The following HCN4 variants were observed in gnomAD, a reference collection of about 807,000 sequenced individuals.
HCN4 encodes potassium/sodium hyperpolarization-activated cyclic nucleotide-gated channel 4.
Under a neutral mutation model 76.9 loss-of-function variants are expected in HCN4, and 29 were observed. That is an observed-to-expected ratio of 0.38 (90% CI 0.28 to 0.51). HCN4 has a LOEUF of 0.51. Ranked by LOEUF, HCN4 falls within the 20% of genes least tolerant of loss-of-function variation. The pLI is 0.90. For synonymous variants in HCN4, 772 were observed against 762.5 expected (o/e 1.01, Z -0.21); for missense variants, 1,416 against 1,715.2 (o/e 0.83, Z 3.08).
At chr15:73,327,279 T>G (rs1260444567) in intron 4 of HCN4, among the ~76,000 whole-genome samples, 1 of 151,980 alleles carries the variant, frequency 6.6e-6, no homozygotes, top group Non-Finnish European at 1.5e-5. Context: ...AGCTAATTTT[T>G]TTTTTACTTT....
chr15:73,334,086 T>C (rs1472916194), intron 2 of HCN4, among the ~76,000 whole-genome samples: 3 of 152,200 alleles, frequency 2.0e-5, no homozygotes, highest in Non-Finnish European at 2.9e-5. Context: ...CAGGTGGGAA[T>C]TGCCAGCTTC....
intron 2 of HCN4, among the ~76,000 whole-genome samples, chr15:73,340,659 A>C (rs1310208439): frequency 6.6e-6 from 1 of 151,922 alleles, no homozygotes; most frequent in African/African-American, 2.4e-5. Context: ...GGCACCTCCA[A>C]CTCAACCTGT....
At chr15:73,358,120 G>T (rs551613439) in intron 1 of HCN4, among the ~76,000 whole-genome samples, 33 of 152,282 alleles carry the variant, frequency 2.2e-4, no homozygotes, top group African/African-American at 7.2e-4. Flanking sequence ...AGGAGGGGAA[G>T]CTGAGGGTGG....
At chr15:73,337,379 C>T (rs1016756653) in intron 2 of HCN4, among the ~76,000 whole-genome samples, 10 of 152,124 alleles carry the variant, frequency 6.6e-5, no homozygotes, top group African/African-American at 2.4e-4. Flanking sequence ...AATGCGCGTA[C>T]ATCTAAATGA....
intron 1 of HCN4, among the ~76,000 whole-genome samples, chr15:73,350,759 T>A (rs906406400): frequency 5.3e-5 from 8 of 152,152 alleles, no homozygotes; most frequent in Admixed American, 5.2e-4. Flanking sequence ...GGGACCTTAA[T>A]CTACAGAAGA....
Position 73,323,018 on chromosome 15 carries a change from G to A in HCN4, c.3075C>T (p.Leu1025=), listed in dbSNP as rs942973135. 30 of 1,478,682 alleles carry A rather than the reference G, an allele frequency of 2.0e-5. No individual in the cohort carries two copies. Among genetic ancestry groups the A allele is most frequent in the Non-Finnish European group, 2.7e-5 (30 of 1,117,172 alleles). 91.6% of individuals were successfully genotyped at this position (1,478,682 alleles called of 1,614,324 possible). Residue 1025 remains leucine (L), a synonymous_variant, in exon 8 of 8, where the codon CTC becomes CTT. Transcript: ENST00000261917. ...GGCCTGGGCTGTGGCCAGGGGGGCTGAGACCTCCTCGGGGAGTAAAGCCTA... is the reference window on the plus strand; with the variant it reads ...GGCCTGGGCTGTGGCCAGGGGGGCTAAGACCTCCTCGGGGAGTAAAGCCTA... The part of the protein sequence containing the change: ...SPVGFTPRGG[L]SPPGHSPGPP...
At chr15:73,329,343 C>A (rs1009636202) in intron 4 of HCN4, among the ~76,000 whole-genome samples, 1 of 152,104 alleles carries the variant, frequency 6.6e-6, no homozygotes, top group Non-Finnish European at 1.5e-5. Context: ...ACACTGGAGA[C>A]GGGGAAGGTG....
At chr15:73,329,846 T>C in intron 3 of HCN4, 55 bp from the exon 4 acceptor site, 3 of 1,467,314 alleles carry the variant, frequency 2.0e-6, no homozygotes, top group Non-Finnish European at 2.8e-6. Flanking sequence ...CCCTTCTCAC[T>C]AGCAAGAAAA....
chr15:73,338,617 G>C (rs1381635283), intron 2 of HCN4, among the ~76,000 whole-genome samples: 1 of 152,172 alleles, frequency 6.6e-6, no homozygotes. Flanking sequence ...TCCCAACAAA[G>C]AGTTGATTTC....
Position 73,368,192 on chromosome 15 carries a change from C to G in HCN4, c.79G>C (p.Asp27His). Residue 27 changes from aspartate to histidine, a missense_variant, in exon 1 of 8, where the codon GAC becomes CAC. Coordinates refer to ENST00000261917, the MANE Select transcript of HCN4 (RefSeq NM_005477.3). The surrounding 1 kb of genome is among the most constrained non-coding windows in gnomAD (Gnocchi z 6.9). ...QQVGAKAWIMDEEEDAEEEGA... is the reference protein window; with the variant it reads ...QQVGAKAWIMHEEEDAEEEGA... The stretch of plus-strand genomic sequence containing the variant: ...TCCTCCTCGGCGTCCTCTTCCTCGT[C>G]CATGATCCACGCCTTGGCCCCCACC... 1 of 1,534,168 alleles carries G rather than the reference C, an allele frequency of 6.5e-7. No homozygotes were observed. Among genetic ancestry groups the G allele is most frequent in the Non-Finnish European group, 8.8e-7 (1 of 1,141,906 alleles).
rs766293595 is a variant in HCN4 at position 73,323,585 on chromosome 15, C to T, written c.2508G>A (p.Ala836=). The part of the protein sequence containing the change: ...LKRLQSLIPS[A]LGSASPASSP... ...TGCTGGCGGGCGAGGCGGAGCCCAGCGCAGAAGGGATCAGGGACTGCAGCC... is the reference window on the plus strand; with the variant it reads ...TGCTGGCGGGCGAGGCGGAGCCCAGTGCAGAAGGGATCAGGGACTGCAGCC... Residue 836 remains alanine, a synonymous_variant, in exon 8 of 8, where the codon GCG becomes GCA. Transcript: ENST00000261917. The T allele has an allele frequency of 1.4e-5, 22 of 1,600,996 alleles. No homozygotes were observed. Among genetic ancestry groups the T allele is most frequent in the Admixed American group, 5.0e-5 (3 of 59,974 alleles).
chr15:73,352,111 T>G (rs1567791903), intron 1 of HCN4, among the ~76,000 whole-genome samples: 1 of 152,204 alleles, frequency 6.6e-6, no homozygotes, highest in African/African-American at 2.4e-5. Context: ...TGTGTGACAG[T>G]CTAACTTGCC....
intron 4 of HCN4, among the ~76,000 whole-genome samples, chr15:73,327,957 G>A (rs889572722): frequency 6.6e-6 from 1 of 152,208 alleles, no homozygotes; most frequent in Non-Finnish European, 1.5e-5. Context: ...AGGCAGGCAG[G>A]CAGTGAATCC....
chr15:73,349,443 TG>T (rs1244294721), intron 1 of HCN4, among the ~76,000 whole-genome samples: 1 of 152,108 alleles, frequency 6.6e-6, no homozygotes, highest in Non-Finnish European at 1.5e-5. Flanking sequence ...TTGCCATATA[TG>T]GTGGGCCAAG....
chr15:73,361,874 C>G (rs935374495), intron 1 of HCN4, among the ~76,000 whole-genome samples: 3 of 152,258 alleles, frequency 2.0e-5, no homozygotes, highest in Admixed American at 1.3e-4. Context: ...CAGCTGGCCC[C>G]TGTCAGAGCC....
Position 73,346,643 on chromosome 15 carries a change from G to A in HCN4, c.786-2835C>T, listed in dbSNP as rs553869899. On this transcript the variant is annotated intron_variant, in intron 1 of 7. Coordinates refer to ENST00000261917, the MANE Select transcript of HCN4 (RefSeq NM_005477.3). Reference sequence around the variant, plus strand: ...CAGAGACTCATGGTCTGGTCAGAGCGCAAGGCTTGGATAGAAGGCAATTGG... The same window carrying A: ...CAGAGACTCATGGTCTGGTCAGAGCACAAGGCTTGGATAGAAGGCAATTGG... Among the ~76,000 whole-genome samples the A allele has an allele frequency of 1.1e-4, 16 of 152,236 alleles. 1 individual carries two copies. In the South Asian group the frequency reaches 2.3e-3, roughly 22 times the overall value.
intron 1 of HCN4, among the ~76,000 whole-genome samples, chr15:73,365,354 C>T (rs1476836202): frequency 6.6e-6 from 1 of 152,198 alleles, no homozygotes; most frequent in Non-Finnish European, 1.5e-5. Flanking sequence ...GCAAAGAGGA[C>T]GTGCCACTTG....
intron 1 of HCN4, among the ~76,000 whole-genome samples, chr15:73,350,525 A>T (rs2043051235): frequency 6.6e-6 from 1 of 152,118 alleles, no homozygotes; most frequent in Non-Finnish European, 1.5e-5. Flanking sequence ...TGCTATTTCA[A>T]ATTAATTCCT....
Position 73,323,598 on chromosome 15 carries a change from A to G in HCN4, c.2495T>C (p.Leu832Pro), listed in dbSNP as rs1404692878. The change falls in exon 8 of 8, where the codon CTG becomes CCG. Residue 832 changes from leucine (L) to proline (P), a missense_variant. Coordinates refer to ENST00000261917, the MANE Select transcript of HCN4 (RefSeq NM_005477.3). ...TPRHLKRLQS[L>P]IPSALGSASP... Reference sequence around the variant, plus strand: ...GGCGGAGCCCAGCGCAGAAGGGATCAGGGACTGCAGCCGTTTCAGGTGCCT... The same window carrying G: ...GGCGGAGCCCAGCGCAGAAGGGATCGGGGACTGCAGCCGTTTCAGGTGCCT... The G allele has an allele frequency of 2.5e-6, 4 of 1,601,342 alleles. No individual in the cohort carries two copies. Among genetic ancestry groups the G allele is most frequent in the Non-Finnish European group, 3.4e-6 (4 of 1,179,194 alleles).
Sources: allele counts gnomAD v4.1 joint callset (sites outside exome capture counted in the v4.1 genomes callset), GRCh38; gene constraint gnomAD v4.1.1; non-coding constraint Gnocchi (gnomAD v3.1); transcripts MANE v1.5; gene names NCBI Gene and HGNC (gene_info 2026-07-23, HGNC 2026-07-21).